ZDHHC11: variants seen among roughly 807,000 people sequenced by gnomAD.
ZDHHC11 encodes the protein zDHHC palmitoyltransferase 11.
ZDHHC11 carries 44 observed loss-of-function variants against 51.3 expected under a neutral mutation model. That is an observed-to-expected ratio of 0.86 (90% CI 0.67 to 1.10). ZDHHC11 has a LOEUF of 1.10. Among genes scored for constraint, ZDHHC11 ranks in the 50% least tolerant of loss-of-function variants. The probability of loss-of-function intolerance (pLI) is 0.00; values close to 1 mark genes in which losing one functional copy is unlikely to be tolerated. For synonymous variants in ZDHHC11, 163 were observed against 222.0 expected (o/e 0.73, Z 2.36); for missense variants, 400 against 537.7 (o/e 0.74, Z 2.53).
rs771269790 is a variant in ZDHHC11 at position 850,634 on chromosome 5, G to A, written c.-32C>T. On this transcript the variant is annotated 5_prime_UTR_variant, in exon 1 of 13. In the 5' UTR this introduces an upstream ATG that the reference lacks. Coordinates refer to ENST00000283441, the MANE Select transcript of ZDHHC11 (RefSeq NM_024786.3). ...GACACAGAAGGGGAGGACCTGCGCC[G>A]TCAGATCCTGGGAGGGCCGGCCCCG... is the stretch of plus-strand genomic sequence containing the variant. The A allele has an allele frequency of 1.0e-4, 166 of 1,604,300 alleles. No homozygotes were observed. Among genetic ancestry groups the A allele is most frequent in the Non-Finnish European group, 1.3e-4 (148 of 1,176,692 alleles).
intron 11 of ZDHHC11, among the ~76,000 whole-genome samples, chr5:807,922 T>A (rs1259847479): frequency 8.5e-6 from 1 of 118,228 alleles, no homozygotes; most frequent in Non-Finnish European, 1.6e-5. Context: ...CTCTGGGGGA[T>A]ATCAGAGCAA....
At chr5:844,786 T>C (rs1260267914) in intron 3 of ZDHHC11, among the ~76,000 whole-genome samples, 3 of 152,410 alleles carry the variant, frequency 2.0e-5, no homozygotes, top group Non-Finnish European at 4.4e-5. Context: ...CCAAAAGCGA[T>C]GTCCATGCTG....
intron 11 of ZDHHC11, among the ~76,000 whole-genome samples, chr5:804,986 G>A (rs1210418928): frequency 2.6e-5 from 4 of 151,320 alleles, no homozygotes; most frequent in Non-Finnish European, 5.9e-5. Flanking sequence ...CTTTTGGTTT[G>A]TAACTCTTTT....
intron 4 of ZDHHC11, 114 bp from the exon 5 acceptor site, chr5:840,764 C>G (rs1452907580): frequency 4.5e-6 from 7 of 1,564,336 alleles, no homozygotes; most frequent in Middle Eastern, 1.8e-4. Flanking sequence ...ACAGCCAGTG[C>G]GAGGGATGTC....
Position 836,383 on chromosome 5 carries a change from T to G in ZDHHC11, c.900+982A>C, listed in dbSNP as rs1351982303. Among the ~76,000 whole-genome samples the G allele has an allele frequency of 3.3e-4, 50 of 150,342 alleles. 5 individuals are homozygous for G. The highest frequency in any genetic ancestry group is 4.6e-4 in the African/African-American group (19 of 40,894). On this transcript the variant is annotated intron_variant, in intron 6 of 12. Transcript: ENST00000283441. ...TGATATCACTTGGCCACAGTGCACA[T>G]TCCTGCCCCGTGCTGCTCGATTTGG...
chr5:827,411 A>G (rs2150351422), intron 7 of ZDHHC11, among the ~76,000 whole-genome samples: 1 of 151,468 alleles, frequency 6.6e-6, no homozygotes, highest in African/African-American at 2.4e-5. Context: ...AATGGCCTAT[A>G]AGCACCTTCT....
intron 1 of ZDHHC11, 35 bp from the exon 2 acceptor site, chr5:848,695 G>A (rs1216143847): frequency 3.1e-6 from 5 of 1,611,254 alleles, no homozygotes; most frequent in African/African-American, 1.3e-5. Flanking sequence ...CCCAGGGCCT[G>A]GTCAGCCTGG....
Position 836,029 on chromosome 5 carries a change from C to G in ZDHHC11, c.900+1336G>C, listed in dbSNP as rs541831937. On this transcript the variant is annotated intron_variant, in intron 6 of 12. Coordinates refer to ENST00000283441, the MANE Select transcript of ZDHHC11 (RefSeq NM_024786.3). Reference sequence around the variant, plus strand: ...TAAACACAGTTTTATTTTGTATTCTCTGTGCCTTCATTTTCCCTGCTATGC... The same window carrying G: ...TAAACACAGTTTTATTTTGTATTCTGTGTGCCTTCATTTTCCCTGCTATGC... Among the ~76,000 whole-genome samples the G allele has an allele frequency of 9.9e-5, 15 of 150,834 alleles. 1 individual carries two copies. The highest frequency in any genetic ancestry group is 1.9e-4 in the East Asian group (1 of 5,188).
At chr5:815,016 T>A (rs1248175715) in intron 10 of ZDHHC11, among the ~76,000 whole-genome samples, 2 of 151,410 alleles carry the variant, frequency 1.3e-5, no homozygotes, top group African/African-American at 4.8e-5. Flanking sequence ...TAGGTTGACA[T>A]CCTGACTCCC....
upstream of ZDHHC11, among the ~76,000 whole-genome samples, chr5:855,721 G>GGACA (rs1296321448): frequency 1.3e-5 from 2 of 150,494 alleles, no homozygotes. Flanking sequence ...ACCCCACAGA[G>GGACA]GACAGTGAGC....
chr5:814,443 T>G lies in ZDHHC11; in HGVS notation c.1181+318A>C, dbSNP rs1740490698. The stretch of plus-strand genomic sequence containing the variant: ...TGAAATGACAAGATCTGACTCTCAA[T>G]GAAACACTATTAGAAACATTAAAAA... On this transcript the variant is annotated intron_variant, in intron 11 of 12. Transcript: ENST00000283441. 1.3e-5 allele frequency among the ~76,000 whole-genome samples: 2 copies of G among 151,396 alleles called. 1 individual carries two copies. The highest frequency in any genetic ancestry group is 3.0e-5 in the Non-Finnish European group (2 of 67,740).
Position 840,600 on chromosome 5 carries a change from G to C in ZDHHC11, c.679C>G (p.Gln227Glu), listed in dbSNP as rs768945475. 19 of 1,613,912 alleles carry C rather than the reference G, an allele frequency of 1.2e-5. No individual in the cohort carries two copies. In the South Asian group the frequency reaches 2.1e-4, roughly 18 times the overall value. ...WLLFLPLFPV[Q>E]VQTLIVVIIG... Reference sequence around the variant, plus strand: ...ATCACGACTATCAGGGTCTGCACCTGCACCGGGAACAGGGGGAGGAACAGC... The same window carrying C: ...ATCACGACTATCAGGGTCTGCACCTCCACCGGGAACAGGGGGAGGAACAGC... The change falls in exon 5 of 13, where the codon CAG becomes GAG. Residue 227 changes from glutamine to glutamate, a missense_variant. Physicochemically the swap from Gln to Glu is conservative, Grantham distance 29. This residue lies in a region of ZDHHC11 where 26 missense variants were observed against 47.1 expected (regional missense o/e 0.55). Coordinates refer to ENST00000283441, the MANE Select transcript of ZDHHC11 (RefSeq NM_024786.3).
rs890783223 is a variant in ZDHHC11 at position 816,458 on chromosome 5, C to T, written c.1147-1663G>A. On this transcript the variant is annotated intron_variant, in intron 10 of 12. Coordinates refer to ENST00000283441, the MANE Select transcript of ZDHHC11 (RefSeq NM_024786.3). ...TGGCCGTAGCGGCATGTGGATAAGTCGAAGATAAGTGATATGCCTGGAAAA... is the reference window on the plus strand; with the variant it reads ...TGGCCGTAGCGGCATGTGGATAAGTTGAAGATAAGTGATATGCCTGGAAAA... 3.6e-5 allele frequency: 17 copies of T among 476,726 alleles called. 1 individual carries two copies. Among genetic ancestry groups the T allele is most frequent in the East Asian group, 1.1e-4 (2 of 17,456 alleles). The allele number at this position is 476,726 out of a possible 1,614,324, so 29.5% of individuals were successfully genotyped here.
intron 5 of ZDHHC11, chr5:840,189 T>G (rs1302779352): frequency 1.5e-6 from 1 of 682,748 alleles, no homozygotes. Flanking sequence ...CCATTGTCTC[T>G]GAACATTTTA....
Position 848,648 on chromosome 5 carries a change from T to A in ZDHHC11, c.235A>T (p.Ile79Phe), listed in dbSNP as rs762017281. ...KYIAYVVTGG[I>F]FSFHLVVHLI... The stretch of plus-strand genomic sequence containing the variant: ...TGGACGACGAGGTGGAACGAGAAGA[T>A]CCCCCCGGTCACCTGGCATGTCAAG... The change falls in exon 2 of 13, where the codon ATC (isoleucine) becomes TTC (phenylalanine). Residue 79 changes from isoleucine to phenylalanine, a missense_variant. Ile to Phe is a conservative substitution (Grantham distance 21, BLOSUM62 0). Around this residue, in one of 5 missense-constraint regions of ZDHHC11, gnomAD observed 22 missense variants for 81.0 expected, o/e 0.27. Coordinates refer to ENST00000283441, the MANE Select transcript of ZDHHC11 (RefSeq NM_024786.3). 8.1e-6 allele frequency: 13 copies of A among 1,595,158 alleles called. No individual in the cohort carries two copies. The South Asian group carries it at 1.1e-4, about 14-fold the overall frequency.
At chr5:837,111 T>C (rs1337848815) in intron 6 of ZDHHC11, among the ~76,000 whole-genome samples, 9 of 152,238 alleles carry the variant, frequency 5.9e-5, no homozygotes, top group African/African-American at 1.7e-4. Context: ...TCGTGCAGTA[T>C]AGAAATGTCC....
rs1364553260 is a variant in ZDHHC11 at position 850,716 on chromosome 5, C to T, written c.-114G>A. 24 of 1,307,672 alleles carry T rather than the reference C, an allele frequency of 1.8e-5. No homozygotes were observed. The highest frequency in any genetic ancestry group is 1.7e-4 in the East Asian group (7 of 42,234). 81.0% of individuals were successfully genotyped at this position (1,307,672 alleles called of 1,614,324 possible). ...ATGCAGCCGCCAGGACCAGCACTGA[C>T]AGCCAATGGCCCAGCACTGCCTGGG... On this transcript the variant is annotated 5_prime_UTR_variant, in exon 1 of 13. Transcript: ENST00000283441.
At chr5:816,122 A>G (rs781403906) in intron 10 of ZDHHC11, among the ~76,000 whole-genome samples, 3 of 151,594 alleles carry the variant, frequency 2.0e-5, no homozygotes, top group Middle Eastern at 3.2e-3. Context: ...AAAATTCTTT[A>G]AATATTCTGG....
Position 850,916 on chromosome 5 carries a change from C to G in ZDHHC11, c.-314G>C. Reference sequence around the variant, plus strand: ...CCCGCGCGACCGCCCATCAGTTCCCCTGAGGATTTGTTACGTTCTGGGGAG... The same window carrying G: ...CCCGCGCGACCGCCCATCAGTTCCCGTGAGGATTTGTTACGTTCTGGGGAG... On this transcript the variant is annotated 5_prime_UTR_variant, in exon 1 of 13. Coordinates refer to ENST00000283441, the MANE Select transcript of ZDHHC11 (RefSeq NM_024786.3). The G allele has an allele frequency of 2.3e-6, 1 of 440,320 alleles. No homozygotes were observed. Among genetic ancestry groups the G allele is most frequent in the Non-Finnish European group, 3.9e-6 (1 of 257,092 alleles). 27.3% of individuals were successfully genotyped at this position (440,320 alleles called of 1,614,324 possible). A position where few individuals can be genotyped will look rare whatever the true frequency, so the allele number is the denominator to read the frequency against.
Sources: allele counts gnomAD v4.1 joint callset (sites outside exome capture counted in the v4.1 genomes callset), GRCh38; gene constraint gnomAD v4.1.1; regional missense constraint gnomAD v4.1.1; transcripts MANE v1.5; gene names NCBI Gene and HGNC (gene_info 2026-07-23, HGNC 2026-07-21).